Variants in SULF1 observed in about 807,000 individuals in gnomAD.
SULF1 encodes the protein extracellular sulfatase Sulf-1.
In SULF1, 46 loss-of-function variants were observed where a neutral mutation model predicts 110.5. That is an observed-to-expected ratio of 0.42 (90% CI 0.33 to 0.53). The LOEUF (loss-of-function observed/expected upper bound fraction) is 0.53. SULF1 is among the 20% of genes least tolerant of loss of function. The probability of loss-of-function intolerance (pLI) is 0.12; values close to 1 mark genes in which losing one functional copy is unlikely to be tolerated. For synonymous variants in SULF1, 371 were observed against 387.1 expected (o/e 0.96, Z 0.49); for missense variants, 941 against 1,094.2 (o/e 0.86, Z 1.98).
chr8:69,589,779 A>G (rs770250060), intron 8 of SULF1, among the ~76,000 whole-genome samples: 2 of 152,164 alleles, frequency 1.3e-5, no homozygotes, highest in Non-Finnish European at 2.9e-5. Flanking sequence ...TCGTGTGCCC[A>G]CAATTCTCAC....
chr8:69,516,902 G>C (rs563132354), intron 3 of SULF1, among the ~76,000 whole-genome samples: 1 of 152,078 alleles, frequency 6.6e-6, no homozygotes, highest in African/African-American at 2.4e-5. Context: ...TAAGCATAAA[G>C]TTTAAAGTTT....
chr8:69,563,087 G>A (rs1474563424), intron 3 of SULF1: 1 of 152,326 alleles, frequency 6.6e-6, no homozygotes, highest in Non-Finnish European at 1.5e-5. Flanking sequence ...TAATGCAGAT[G>A]ACAAATGACA....
At chr8:69,517,569 G>A (rs1298753417) in intron 3 of SULF1, among the ~76,000 whole-genome samples, 1 of 152,076 alleles carries the variant, frequency 6.6e-6, no homozygotes, top group Non-Finnish European at 1.5e-5. Flanking sequence ...TAAAAGGCAG[G>A]TAAATGGGTG....
intron 19 of SULF1, among the ~76,000 whole-genome samples, chr8:69,634,253 T>C (rs572408088): frequency 6.6e-6 from 1 of 152,354 alleles, no homozygotes; most frequent in East Asian, 1.9e-4. Flanking sequence ...TGTAGTTTGT[T>C]ATCTGATTTG....
At chr8:69,490,914 A>C (rs548771310), upstream of SULF1, among the ~76,000 whole-genome samples, 1 of 152,254 alleles carries the variant, frequency 6.6e-6, no homozygotes, top group Non-Finnish European at 1.5e-5. Flanking sequence ...TCACCTGAGC[A>C]TAACAAAATG....
At chr8:69,515,723 A>C (rs1459848761) in intron 3 of SULF1, among the ~76,000 whole-genome samples, 1 of 152,194 alleles carries the variant, frequency 6.6e-6, no homozygotes, top group African/African-American at 2.4e-5. Flanking sequence ...GTTTATGCAA[A>C]TGAATATATG....
intron 6 of SULF1, among the ~76,000 whole-genome samples, chr8:69,577,145 C>T (rs1046306309): frequency 3.3e-5 from 5 of 152,168 alleles, no homozygotes; most frequent in African/African-American, 1.2e-4. Flanking sequence ...AGTCTCGACT[C>T]GAAGCAGCTC....
At chr8:69,486,491 T>C (rs1319321379) in intron 1 of SULF1, among the ~76,000 whole-genome samples, 1 of 152,192 alleles carries the variant, frequency 6.6e-6, no homozygotes, top group East Asian at 1.9e-4. Flanking sequence ...TACACCTTTT[T>C]TTTTCCAGAC....
intron 22 of SULF1, among the ~76,000 whole-genome samples, chr8:69,651,326 T>G (rs890942482): frequency 6.6e-6 from 1 of 152,184 alleles, no homozygotes; most frequent in Non-Finnish European, 1.5e-5. Flanking sequence ...GTGCTAGGAT[T>G]ACAGGCATGA....
At chr8:69,527,157 A>T (rs1371225375) in intron 3 of SULF1, among the ~76,000 whole-genome samples, 1 of 152,156 alleles carries the variant, frequency 6.6e-6, no homozygotes, top group Non-Finnish European at 1.5e-5. Flanking sequence ...AGGCAGGCAG[A>T]GTATACAAGG....
intron 8 of SULF1, among the ~76,000 whole-genome samples, chr8:69,599,280 T>C (rs1294087532): frequency 2.0e-5 from 3 of 152,308 alleles, no homozygotes; most frequent in Admixed American, 2.0e-4. Context: ...CAGACAGAGA[T>C]TGGGAATCAG....
At chr8:69,562,500 G>A (rs1191655983) in intron 3 of SULF1, among the ~76,000 whole-genome samples, 2 of 152,076 alleles carry the variant, frequency 1.3e-5, no homozygotes, top group Non-Finnish European at 2.9e-5. Flanking sequence ...ATTAATTTTA[G>A]GGCAGCCTAA....
chr8:69,553,409 G>A (rs924680827), intron 3 of SULF1, among the ~76,000 whole-genome samples: 4 of 152,162 alleles, frequency 2.6e-5, no homozygotes, highest in Non-Finnish European at 4.4e-5. Flanking sequence ...GAGAGAACCA[G>A]CAAATTAAGA....
chr8:69,579,089 AG>A (rs1805862315), intron 6 of SULF1, among the ~76,000 whole-genome samples: 1 of 142,566 alleles, frequency 7.0e-6, no homozygotes, highest in Non-Finnish European at 1.5e-5. Flanking sequence ...TGTACCTGGG[AG>A]GCGGAGCTTC....
intron 3 of SULF1, among the ~76,000 whole-genome samples, chr8:69,542,533 C>T (rs906293819): frequency 6.6e-6 from 1 of 151,792 alleles, no homozygotes. Flanking sequence ...CTGTTTTGAC[C>T]CCCGAGAAAT....
intron 3 of SULF1, among the ~76,000 whole-genome samples, chr8:69,551,944 TAACTG>T (rs1814751235): frequency 6.6e-6 from 1 of 152,048 alleles, no homozygotes; most frequent in Non-Finnish European, 1.5e-5. Flanking sequence ...ATACAAAACT[TAACTG>T]GACATGGTGG....
intron 21 of SULF1, among the ~76,000 whole-genome samples, chr8:69,640,525 GT>G (rs1239297478): frequency 1.3e-5 from 2 of 152,224 alleles, no homozygotes; most frequent in Admixed American, 6.5e-5. Context: ...ACTTCTGGAA[GT>G]ACTTTTCCCA....
chr8:69,556,888 T>A (rs1815152202), intron 3 of SULF1, among the ~76,000 whole-genome samples: 1 of 152,172 alleles, frequency 6.6e-6, no homozygotes, highest in African/African-American at 2.4e-5. Context: ...CAGCATCCAT[T>A]AGCTATTCTT....
At chr8:69,503,523 G>T (rs2150575883) in intron 3 of SULF1, among the ~76,000 whole-genome samples, 1 of 152,270 alleles carries the variant, frequency 6.6e-6, no homozygotes, top group East Asian at 1.9e-4. Flanking sequence ...TCAATGAACA[G>T]AACTGGAACT....
Sources: allele counts gnomAD v4.1 joint callset (sites outside exome capture counted in the v4.1 genomes callset), GRCh38; gene constraint gnomAD v4.1.1; transcripts MANE v1.5; gene names NCBI Gene and HGNC (gene_info 2026-07-23, HGNC 2026-07-21).